CDH23: variants seen among roughly 807,000 people sequenced by gnomAD.
CDH23 encodes cadherin related 23, also known as cadherin-23.
CDH23 carries 189 observed loss-of-function variants against 317.1 expected under a neutral mutation model. The ratio of observed to expected loss-of-function variants is 0.60; its 90% CI spans 0.53 to 0.67. The LOEUF is 0.67. Ranked by LOEUF, CDH23 falls within the 30% of genes least tolerant of loss-of-function variation. The probability of loss-of-function intolerance (pLI) is 0.00; values close to 1 mark genes in which losing one functional copy is unlikely to be tolerated. For synonymous variants in CDH23, 1,839 were observed against 1,876.8 expected (o/e 0.98, Z 0.52); for missense variants, 4,401 against 4,592.4 (o/e 0.96, Z 1.20).
chr10:71,539,800 G>T (rs1589183041), intron 6 of CDH23, among the ~76,000 whole-genome samples: 2 of 151,172 alleles, frequency 1.3e-5, no homozygotes, highest in Middle Eastern at 6.8e-3. Context: ...CCCTTTCTCT[G>T]ACTCTCTTGA....
chr10:71,727,684 T>G (rs540457713), intron 30 of CDH23, among the ~76,000 whole-genome samples: 7 of 152,210 alleles, frequency 4.6e-5, no homozygotes, highest in Admixed American at 1.3e-4. Flanking sequence ...CACGCACATA[T>G]GCCCACGCAC....
chr10:71,797,291 G>A (rs987576621), intron 49 of CDH23, 71 bp downstream of exon 49: 3 of 1,063,234 alleles, frequency 2.8e-6, no homozygotes, highest in African/African-American at 3.1e-5. Context: ...GTGGGGAACA[G>A]GCACTGGTCT....
At position 71,811,331 on chromosome 10, in the gene CDH23, G is replaced by A. The variant is rs368603948; in HGVS notation, c.9094G>A (p.Asp3032Asn). Residue 3032 changes from aspartate (D) to asparagine (N), a missense_variant, in exon 63 of 70, where the codon GAT becomes AAT. This residue lies in a region of CDH23 where 1,144 missense variants were observed against 1,138.2 expected (regional missense o/e 1.01). Transcript: ENST00000224721. ...CTCGCCCAGGGTGATCCAGATGATC[G>A]ATGAGAACAAGGAGCAGCTACGGAA... ...LDVDRVIQMIDENKEQLRNLF... is the reference protein window; with the variant it reads ...LDVDRVIQMINENKEQLRNLF... 13 of 1,613,714 alleles carry A rather than the reference G, an allele frequency of 8.1e-6. No homozygotes were observed. Among genetic ancestry groups the A allele is most frequent in the East Asian group, 6.7e-5 (3 of 44,872 alleles).
In CDH23 at chr10:71,741,832, G is replaced by C. The variant is rs573737471; in HGVS notation, c.4756G>C (p.Ala1586Pro). Residue 1586 changes from alanine to proline, a missense_variant, in exon 38 of 70, where the codon GCC (alanine) becomes CCC (proline). By Grantham distance (27) the Ala-to-Pro change is conservative. Around this residue, in one of 3 missense-constraint regions of CDH23, gnomAD observed 3,068 missense variants for 3,203.3 expected, o/e 0.96. Coordinates refer to ENST00000224721, the MANE Select transcript of CDH23 (RefSeq NM_022124.6). The stretch of plus-strand genomic sequence containing the variant: ...CATGGACCGCATCAGCGGTGAGATC[G>C]CCACACGGCCTGCCCCGCCTGACCG... The part of the protein sequence containing the change: ...FRMDRISGEI[A>P]TRPAPPDRER... The C allele has an allele frequency of 1.9e-6, 3 of 1,611,248 alleles. No individual in the cohort carries two copies. In the South Asian group the frequency reaches 3.3e-5, roughly 18 times the overall value.
chr10:71,679,604 T>C (rs990219953), intron 17 of CDH23, 112 bp downstream of exon 17: 6 of 872,762 alleles, frequency 6.9e-6, no homozygotes, highest in Admixed American at 2.1e-5. Context: ...CCTGACACTC[T>C]GGGCTACTCA....
intron 9 of CDH23, among the ~76,000 whole-genome samples, chr10:71,603,948 C>G (rs530397255): frequency 2.7e-4 from 41 of 152,328 alleles, no homozygotes; most frequent in Non-Finnish European, 5.6e-4. Context: ...CAGGCAGAAG[C>G]ACGCATCTTC....
intron 1 of CDH23, among the ~76,000 whole-genome samples, chr10:71,427,225 GAA>G (rs1554823342): frequency 1.4e-5 from 1 of 72,038 alleles, no homozygotes; most frequent in Admixed American, 1.3e-4. Context: ...AAGAAAGAAA[GAA>G]AGAAAGAAAG....
At chr10:71,416,631 C>A (rs1440655916) in intron 1 of CDH23, among the ~76,000 whole-genome samples, 1 of 151,990 alleles carries the variant, frequency 6.6e-6, no homozygotes, top group Non-Finnish European at 1.5e-5. Context: ...TGAATTTTTG[C>A]AGTTTTTGCT....
intron 38 of CDH23, among the ~76,000 whole-genome samples, chr10:71,772,770 A>T (rs1248527158): frequency 6.6e-6 from 1 of 152,166 alleles, no homozygotes; most frequent in Non-Finnish European, 1.5e-5. Flanking sequence ...CTGACCACTT[A>T]TTCCTGGGCC....
chr10:71,570,188 C>T (rs1339803111), intron 7 of CDH23, among the ~76,000 whole-genome samples: 2 of 152,146 alleles, frequency 1.3e-5, no homozygotes, highest in African/African-American at 4.8e-5. Flanking sequence ...GCTCCCCCTG[C>T]TGGTTGGATT....
intron 6 of CDH23, chr10:71,512,397 G>A (rs541688092): frequency 6.6e-6 from 1 of 152,350 alleles, no homozygotes; most frequent in South Asian, 2.1e-4. Flanking sequence ...CCTAAACATG[G>A]GGGCATGGTG....
intron 32 of CDH23, 84 bp downstream of exon 32, chr10:71,732,459 T>A: frequency 6.6e-7 from 1 of 1,523,126 alleles, no homozygotes; most frequent in Non-Finnish European, 8.8e-7. Flanking sequence ...AGCACTCTCC[T>A]CTTTGTCATA....
intron 47 of CDH23, among the ~76,000 whole-genome samples, chr10:71,791,938 C>T (rs1416162230): frequency 6.6e-6 from 1 of 151,698 alleles, no homozygotes; most frequent in Non-Finnish European, 1.5e-5. Context: ...ATTTTAAAGT[C>T]AAAATAGGAT....
At chr10:71,606,623 G>T in intron 9 of CDH23, among the ~76,000 whole-genome samples, 1 of 152,210 alleles carries the variant, frequency 6.6e-6, no homozygotes, top group East Asian at 1.9e-4. Context: ...CCCTCCTGGG[G>T]CTTACATTCC....
intron 3 of CDH23, among the ~76,000 whole-genome samples, chr10:71,493,010 A>C (rs1441470342): frequency 6.6e-6 from 1 of 152,190 alleles, no homozygotes; most frequent in Non-Finnish European, 1.5e-5. Context: ...CCATGTCCAG[A>C]AGCCCATGCT....
intron 3 of CDH23, among the ~76,000 whole-genome samples, chr10:71,497,755 A>T (rs1009324166): frequency 1.3e-5 from 2 of 152,152 alleles, no homozygotes; most frequent in Non-Finnish European, 2.9e-5. Flanking sequence ...GAGTCCAGGG[A>T]CCAATTTGAG....
At chr10:71,689,095 GGGGTGGT>G (rs1865068954) in intron 19 of CDH23, among the ~76,000 whole-genome samples, 2 of 127,694 alleles carry the variant, frequency 1.6e-5, no homozygotes, top group Non-Finnish European at 3.6e-5. Flanking sequence ...GGTGGAGCCA[GGGGTGGT>G]GGAGTCAGGG....
rs1395798826 is a variant in CDH23, at chr10:71,799,604, G to A, written c.7337G>A (p.Ser2446Asn). The change falls in exon 52 of 70, where the codon AGC becomes AAC. Residue 2446 changes from serine to asparagine, a missense_variant. Coordinates refer to ENST00000224721, the MANE Select transcript of CDH23 (RefSeq NM_022124.6). Reference sequence around the variant, plus strand: ...GAGTACAGCCTTGGAGATGGAGAGAGCAAGTTTGCCATCAACCCCACCACG... The same window carrying A: ...GAGTACAGCCTTGGAGATGGAGAGAACAAGTTTGCCATCAACCCCACCACG... Reference protein sequence around the residue: ...LIEYSLGDGESKFAINPTTGD... With the variant: ...LIEYSLGDGENKFAINPTTGD... The A allele has an allele frequency of 1.2e-6, 2 of 1,613,966 alleles. No homozygotes were observed. Among genetic ancestry groups the A allele is most frequent in the Admixed American group, 1.7e-5 (1 of 60,008 alleles).
At chr10:71,432,235 T>TGTGTGTGTGTGCATGTGTTTGAGA (rs1849407182) in intron 1 of CDH23, among the ~76,000 whole-genome samples, 1 of 122,568 alleles carries the variant, frequency 8.2e-6, no homozygotes, top group Non-Finnish European at 1.6e-5. Context: ...TGTTTGAGAA[T>TGTGTGTGTGTGCATGTGTTTGAGA]GTGTGTGTGT....
Sources: allele counts gnomAD v4.1 joint callset (sites outside exome capture counted in the v4.1 genomes callset), GRCh38; gene constraint gnomAD v4.1.1; regional missense constraint gnomAD v4.1.1; transcripts MANE v1.5; gene names NCBI Gene and HGNC (gene_info 2026-07-23, HGNC 2026-07-21).